Variants in PCDHA5 observed in about 807,000 individuals in gnomAD.
PCDHA5 encodes the protein protocadherin alpha-5.
A neutral mutation model predicts 61.6 loss-of-function variants in PCDHA5; 43 were observed. The observed-to-expected ratio is 0.70, with a 90% CI of 0.55 to 0.90. PCDHA5 has a LOEUF of 0.90. Ranked by LOEUF, PCDHA5 falls within the 40% of genes least tolerant of loss-of-function variation. The probability of loss-of-function intolerance (pLI) is 0.00; values close to 1 mark genes in which losing one functional copy is unlikely to be tolerated. For missense variants in PCDHA5, 1,298 were observed against 1,222.7 expected, an observed-to-expected ratio of 1.06 and a Z score of -0.92; for synonymous variants, 627 against 543.9, an observed-to-expected ratio of 1.15 and a Z score of -2.13.
chr5:140,953,602 CCA>C (rs1246265860), intron 1 of PCDHA5, among the ~76,000 whole-genome samples: 3 of 152,040 alleles, frequency 2.0e-5, no homozygotes, highest in Admixed American at 6.6e-5. Context: ...TGTTTATTCC[CCA>C]GAGTCCTTAG....
At chr5:140,904,193 T>C (rs1554191351) in intron 1 of PCDHA5, among the ~76,000 whole-genome samples, 2 of 151,930 alleles carry the variant, frequency 1.3e-5, no homozygotes, top group Non-Finnish European at 2.9e-5. Flanking sequence ...TTCCCACCCT[T>C]TCCCCCTAAG....
At chr5:140,856,691 G>A (rs2044151456) in intron 1 of PCDHA5, 1 of 1,596,420 alleles carries the variant, frequency 6.3e-7, no homozygotes, top group African/African-American at 1.3e-5. Context: ...GACAGCAACT[G>A]ATGGAGGCAA....
chr5:140,973,134 C>T (rs999970948), intron 1 of PCDHA5, among the ~76,000 whole-genome samples: 6 of 152,182 alleles, frequency 3.9e-5, no homozygotes, highest in Admixed American at 6.5e-5. Flanking sequence ...AGTTTGCATT[C>T]ACTTTCACTT....
At chr5:140,857,569 G>T (rs1554150250) in intron 1 of PCDHA5, 3 of 1,596,900 alleles carry the variant, frequency 1.9e-6, no homozygotes, top group South Asian at 1.1e-5. Context: ...CGAGCTACGT[G>T]TCGGTGCACG....
At position 140,822,168 on chromosome 5, in the gene PCDHA5, G is replaced by C. The variant is rs2150114255; in HGVS notation, c.393G>C (p.Arg131Ser). ...AVKDINDNPP[R>S]FSRQEQRLFI... ...AGGACATCAATGACAATCCGCCCAG[G>C]TTCTCCAGACAAGAACAAAGATTAT... Residue 131 changes from arginine (R) to serine (S), a missense_variant, in exon 1 of 4, where the codon AGG becomes AGC. Physicochemically the swap from Arg to Ser is moderately radical, Grantham distance 110 (BLOSUM62 -1). Transcript: ENST00000529859. The C allele has an allele frequency of 6.2e-7, 1 of 1,614,262 alleles. No homozygotes were observed. The highest frequency in any genetic ancestry group is 1.1e-5 in the South Asian group (1 of 91,088).
At chr5:140,858,645 T>C (rs2045537080) in intron 1 of PCDHA5, 1 of 818,880 alleles carries the variant, frequency 1.2e-6, no homozygotes, top group Non-Finnish European at 1.9e-6. Context: ...TGATTGGTAC[T>C]TAAATTTTTT....
At chr5:140,903,979 C>T (rs988987540) in intron 1 of PCDHA5, among the ~76,000 whole-genome samples, 3 of 152,150 alleles carry the variant, frequency 2.0e-5, no homozygotes, top group Admixed American at 2.0e-4. Flanking sequence ...GGTCTATTCA[C>T]AATGTAACAG....
chr5:140,887,125 C>A (rs1391575318), intron 1 of PCDHA5, among the ~76,000 whole-genome samples: 1 of 150,082 alleles, frequency 6.7e-6, no homozygotes, highest in East Asian at 2.0e-4. Context: ...GAGACGGAGT[C>A]TCACTCTGTC....
rs1347683940 is a variant in PCDHA5 at position 140,847,266 on chromosome 5, A to C, written c.2352+23139A>C. ...CAAAATAAATCACGACTTTTGAAAG[A>C]AGGTTGAACGGGAAGACAAACTCAG... is the stretch of plus-strand genomic sequence containing the variant. On this transcript the variant is annotated intron_variant, in intron 1 of 3. Coordinates refer to ENST00000529859, the MANE Select transcript of PCDHA5 (RefSeq NM_018908.3). Among the ~76,000 whole-genome samples the C allele has an allele frequency of 6.0e-5, 9 of 149,874 alleles. 2 individuals carry two copies. Among genetic ancestry groups the C allele is most frequent in the African/African-American group, 2.2e-4 (9 of 40,946 alleles).
rs201131092 is a variant in PCDHA5 at position 141,009,948 on chromosome 5, T to A, written c.*11T>A. ...AACAGTGACCAGTGAGGTCCTCAAATGGAAACAAGCCACTTAGCCAGTTTT... is the reference window on the plus strand; with the variant it reads ...AACAGTGACCAGTGAGGTCCTCAAAAGGAAACAAGCCACTTAGCCAGTTTT... On this transcript the variant is annotated 3_prime_UTR_variant, in exon 4 of 4. Coordinates refer to ENST00000529859, the MANE Select transcript of PCDHA5 (RefSeq NM_018908.3). The A allele has an allele frequency of 9.4e-6, 15 of 1,595,948 alleles. No homozygotes were observed. In the East Asian group the frequency reaches 3.4e-4, roughly 36 times the overall value.
At position 140,951,508 on chromosome 5, in the gene PCDHA5, G is replaced by A. The variant is rs536073969; in HGVS notation, c.2353-27441G>A. Among the ~76,000 whole-genome samples the A allele has an allele frequency of 3.9e-5, 6 of 152,080 alleles. No individual in the cohort carries two copies. The South Asian group carries it at 6.2e-4, about 16-fold the overall frequency. On this transcript the variant is annotated intron_variant, in intron 1 of 3. Coordinates refer to ENST00000529859, the MANE Select transcript of PCDHA5 (RefSeq NM_018908.3). ...TCATGGTGGAAGGCAAAAGGAAAGC[G>A]GCTCATCTTACATGGCCGGTGCAGG...
rs1554262618 is a variant in PCDHA5, at chr5:141,009,958, C to T, written c.*21C>T. On this transcript the variant is annotated 3_prime_UTR_variant, in exon 4 of 4. Transcript: ENST00000529859. The stretch of plus-strand genomic sequence containing the variant: ...AGTGAGGTCCTCAAATGGAAACAAG[C>T]CACTTAGCCAGTTTTTGTAATAATG... 1.3e-6 allele frequency: 2 copies of T among 1,589,012 alleles called. No homozygotes were observed. The highest frequency in any genetic ancestry group is 1.7e-6 in the Non-Finnish European group (2 of 1,171,000).
chr5:140,871,832 C>G (rs2053333400), intron 1 of PCDHA5, among the ~76,000 whole-genome samples: 2 of 152,246 alleles, frequency 1.3e-5, no homozygotes, highest in Non-Finnish European at 2.9e-5. Context: ...CCCTTCATCT[C>G]TAAACTTCAA....
At chr5:140,965,015 C>A (rs187456244) in intron 1 of PCDHA5, among the ~76,000 whole-genome samples, 116 of 152,260 alleles carry the variant, frequency 7.6e-4, no homozygotes, top group Non-Finnish European at 1.2e-3. Context: ...AGGATCACAA[C>A]CTTGGCTCCT....
chr5:140,965,648 GA>G (rs2095919572), intron 1 of PCDHA5, among the ~76,000 whole-genome samples: 1 of 152,128 alleles, frequency 6.6e-6, no homozygotes, highest in Non-Finnish European at 1.5e-5. Context: ...ACTCTTGAAA[GA>G]AAATGTCTTG....
chr5:140,856,168 C>T lies in PCDHA5; in HGVS notation c.2352+32041C>T, dbSNP rs781959235. On this transcript the variant is annotated intron_variant, in intron 1 of 3. Transcript: ENST00000529859. ...ACTCAGTCTACGAGGAGGCCAGACA[C>T]GGCACCTTCGTGGGCCGCATCGCGC... 25 of 1,598,198 alleles carry T rather than the reference C, an allele frequency of 1.6e-5. 4 individuals carry two copies. The highest frequency in any genetic ancestry group is 2.1e-5 in the Non-Finnish European group (24 of 1,167,912).
chr5:141,000,185 G>A (rs1434179793), intron 3 of PCDHA5, among the ~76,000 whole-genome samples: 1 of 151,896 alleles, frequency 6.6e-6, no homozygotes, highest in African/African-American at 2.4e-5. Flanking sequence ...AGGAGTCAAT[G>A]TGAGAATAGT....
At chr5:140,929,160 T>G in intron 1 of PCDHA5, 1 of 1,614,130 alleles carries the variant, frequency 6.2e-7, no homozygotes, top group East Asian at 2.2e-5. Context: ...CTTATCTCTA[T>G]CGGGCCTCTC....
chr5:140,905,019 A>C (rs1000367022), intron 1 of PCDHA5, among the ~76,000 whole-genome samples: 23 of 152,044 alleles, frequency 1.5e-4, no homozygotes, highest in African/African-American at 5.6e-4. Context: ...ATTCTTTTCT[A>C]TGCAGAAGCT....
Sources: gnomAD v4.1 joint callset for allele counts (sites outside exome capture counted in the v4.1 genomes callset) on GRCh38, gnomAD v4.1.1 for gene constraint, MANE v1.5 for transcripts, NCBI Gene and HGNC (gene_info 2026-07-23, HGNC 2026-07-21) for gene names.